Variants in PPP6C observed in about 807,000 individuals in gnomAD.
PPP6C encodes the protein serine/threonine-protein phosphatase 6 catalytic subunit.
PPP6C carries 11 observed loss-of-function variants against 39.8 expected under a neutral mutation model. The ratio of observed to expected loss-of-function variants is 0.28; its 90% confidence interval spans 0.17 to 0.46. The LOEUF (loss-of-function observed/expected upper bound fraction) is 0.46, where lower values mean the gene tolerates loss of function less well. Among genes scored for constraint, PPP6C ranks in the 20% least tolerant of loss-of-function variants. PPP6C has a pLI of 1.00. For missense variants in PPP6C, 211 were observed against 373.9 expected (o/e 0.56, Z 3.59); for synonymous variants, 129 against 130.3 (o/e 0.99, Z 0.07).
chr9:125,170,004 A>G (rs1829109201), intron 2 of PPP6C, among the ~76,000 whole-genome samples: 1 of 152,218 alleles, frequency 6.6e-6, no homozygotes, highest in African/African-American at 2.4e-5. Context: ...TCATATTTAA[A>G]GCAGGGAAAT....
chr9:125,153,412 T>C, intron 6 of PPP6C, 121 bp downstream of exon 6: 1 of 890,122 alleles, frequency 1.1e-6, no homozygotes, highest in Non-Finnish European at 1.7e-6. Flanking sequence ...AGAAATTTAA[T>C]ATCCACAGCC....
intron 6 of PPP6C, chr9:125,150,658 T>C: frequency 1.0e-6 from 1 of 963,838 alleles, no homozygotes; most frequent in Non-Finnish European, 1.5e-6. Flanking sequence ...ATCCTGAATA[T>C]CAAAATCTTC....
At chr9:125,150,419 G>A (rs1835905686) in intron 6 of PPP6C, among the ~76,000 whole-genome samples, 2 of 104,598 alleles carry the variant, frequency 1.9e-5, no homozygotes, top group African/African-American at 6.6e-5. Context: ...CCCAATATAA[G>A]GGGTGTGTGT....
intron 3 of PPP6C, among the ~76,000 whole-genome samples, chr9:125,158,837 G>T (rs1164777242): frequency 1.3e-5 from 2 of 151,450 alleles, no homozygotes; most frequent in African/African-American, 4.9e-5. Flanking sequence ...GCTGATTTTT[G>T]TATTTTTTGT....
At chr9:125,179,562 G>A (rs976665809) in intron 1 of PPP6C, among the ~76,000 whole-genome samples, 2 of 152,014 alleles carry the variant, frequency 1.3e-5, no homozygotes, top group Admixed American at 6.6e-5. Flanking sequence ...CCTCCTCTGA[G>A]GCTTTGTACT....
At chr9:125,183,087 C>A (rs948932202) in intron 1 of PPP6C, among the ~76,000 whole-genome samples, 19 of 152,102 alleles carry the variant, frequency 1.2e-4, no homozygotes, top group Non-Finnish European at 2.6e-4. Flanking sequence ...GTAATCCTTG[C>A]CAGAAACTAA....
chr9:125,166,522 T>C (rs1829014590), intron 2 of PPP6C, among the ~76,000 whole-genome samples: 1 of 147,146 alleles, frequency 6.8e-6, no homozygotes, highest in Non-Finnish European at 1.5e-5. Flanking sequence ...ATTTCACAAG[T>C]ATTTTTCTTT....
At chr9:125,177,953 T>C (rs1829339162) in intron 1 of PPP6C, among the ~76,000 whole-genome samples, 1 of 152,200 alleles carries the variant, frequency 6.6e-6, no homozygotes, top group Non-Finnish European at 1.5e-5. Flanking sequence ...GTATTTAAGG[T>C]TCTTCCATGT....
intron 1 of PPP6C, among the ~76,000 whole-genome samples, chr9:125,178,407 G>T (rs1829349732): frequency 1.3e-5 from 2 of 150,996 alleles, no homozygotes; most frequent in Admixed American, 6.6e-5. Flanking sequence ...TGACACGGAA[G>T]GTAGAGCATC....
At chr9:125,167,410 A>G (rs900183360) in intron 2 of PPP6C, among the ~76,000 whole-genome samples, 5 of 148,806 alleles carry the variant, frequency 3.4e-5, no homozygotes, top group African/African-American at 1.2e-4. Flanking sequence ...GAAATAAAAA[A>G]AAGGCCGGGC....
chr9:125,189,062 C>A, intron 1 of PPP6C: 2 of 731,934 alleles, frequency 2.7e-6, no homozygotes, highest in Non-Finnish European at 4.4e-6. Context: ...TCTGAATTAG[C>A]AAAACCGACG....
intron 1 of PPP6C, among the ~76,000 whole-genome samples, chr9:125,172,269 G>C (rs1829187918): frequency 1.3e-5 from 2 of 151,810 alleles, no homozygotes. Flanking sequence ...CCAGGCTGGA[G>C]TCCAGTAGCA....
At chr9:125,157,872 G>C (rs540151053) in intron 4 of PPP6C, among the ~76,000 whole-genome samples, 1 of 151,952 alleles carries the variant, frequency 6.6e-6, no homozygotes, top group Admixed American at 6.6e-5. Context: ...TGTATTTTTA[G>C]AAGAGAAGGG....
At chr9:125,189,542 A>G in intron 1 of PPP6C, 102 bp downstream of exon 1, 1 of 1,556,088 alleles carries the variant, frequency 6.4e-7, no homozygotes, top group South Asian at 1.2e-5. Context: ...GAGGCCCTCC[A>G]CCGCGACTGG....
chr9:125,156,853 C>T lies in PPP6C; in HGVS notation c.379+1388G>A, dbSNP rs539995767. Among the ~76,000 whole-genome samples the T allele has an allele frequency of 9.5e-4, 144 of 151,188 alleles. 4 individuals are homozygous for T. The South Asian group carries it at 0.029, about 31-fold the overall frequency. On this transcript the variant is annotated intron_variant, in intron 4 of 6. Coordinates refer to ENST00000373547, the MANE Select transcript of PPP6C (RefSeq NM_002721.5). ...CTTGAGACAGAGTCTGGCTCAGTTGCCCAGGCTGGAGTGGAATGGAGCGAT... is the reference window on the plus strand; with the variant it reads ...CTTGAGACAGAGTCTGGCTCAGTTGTCCAGGCTGGAGTGGAATGGAGCGAT...
At chr9:125,175,900 A>G (rs1216103550) in intron 1 of PPP6C, among the ~76,000 whole-genome samples, 1 of 152,220 alleles carries the variant, frequency 6.6e-6, no homozygotes, top group East Asian at 1.9e-4. Flanking sequence ...AGGGGCTTAC[A>G]TTCTAATAGA....
At chr9:125,185,545 T>C (rs953788914) in intron 1 of PPP6C, among the ~76,000 whole-genome samples, 3 of 150,826 alleles carry the variant, frequency 2.0e-5, no homozygotes, top group Non-Finnish European at 1.5e-5. Flanking sequence ...AATACAAAAA[T>C]TAGCCAGGAG....
chr9:125,156,935 T>C (rs1836091485), intron 4 of PPP6C, among the ~76,000 whole-genome samples: 1 of 152,140 alleles, frequency 6.6e-6, no homozygotes, highest in Non-Finnish European at 1.5e-5. Context: ...TGCCTCAGTC[T>C]CCTGAGTAGC....
chr9:125,166,535 C>CTTTTTTTTTTTTTTTTTTTT (rs1169190980), intron 2 of PPP6C, among the ~76,000 whole-genome samples: 1 of 134,466 alleles, frequency 7.4e-6, no homozygotes, highest in African/African-American at 2.8e-5. Flanking sequence ...TTTTCTTTTT[C>CTTTTTTTTTTTTTTTTTTTT]TTTTTTTTTT....
Sources: allele counts gnomAD v4.1 joint callset (sites outside exome capture counted in the v4.1 genomes callset), GRCh38; gene constraint gnomAD v4.1.1; transcripts MANE v1.5; gene names NCBI Gene and HGNC (gene_info 2026-07-23, HGNC 2026-07-21).